Variants in UBTD2 observed in about 807,000 individuals in gnomAD.
The protein encoded by UBTD2 is ubiquitin domain-containing protein 2.
Under a neutral mutation model 19.8 loss-of-function variants are expected in UBTD2, and 9 were observed. The ratio of observed to expected loss-of-function variants is 0.46; its 90% CI spans 0.27 to 0.79. The LOEUF (loss-of-function observed/expected upper bound fraction) is 0.79. UBTD2 is among the 30% of genes least tolerant of loss of function. UBTD2 has a pLI of 0.14. For missense variants in UBTD2, 250 were observed against 300.4 expected (o/e 0.83, Z 1.24); for synonymous variants, 98 against 103.9 (o/e 0.94, Z 0.35).
chr5:172,234,222 C>T lies in UBTD2; in HGVS notation c.207G>A (p.Glu69=). 6.2e-7 allele frequency: 1 copy of T among 1,614,188 alleles called. No individual in the cohort carries two copies. Among genetic ancestry groups the T allele is most frequent in the Non-Finnish European group, 8.5e-7 (1 of 1,180,030 alleles). ...CAGCAGCCTTCAAGGCATCCCAAATCTCTTTCCGGCCTTCAAAAGCTGGTG... is the reference window on the plus strand; with the variant it reads ...CAGCAGCCTTCAAGGCATCCCAAATTTCTTTCCGGCCTTCAAAAGCTGGTG... ...DTAPAFEGRK[E]IWDALKAAAH... Residue 69 remains glutamate (E), a synonymous_variant, in exon 2 of 3, where the codon GAG becomes GAA. Coordinates refer to ENST00000393792, the MANE Select transcript of UBTD2 (RefSeq NM_152277.3).
intron 2 of UBTD2, among the ~76,000 whole-genome samples, chr5:172,231,034 C>T (rs561069381): frequency 1.2e-4 from 18 of 152,250 alleles, no homozygotes; most frequent in African/African-American, 3.6e-4. Flanking sequence ...CTGCCCGCCT[C>T]GGCCTCCCAA....
chr5:172,243,962 G>A (rs1772185096), intron 1 of UBTD2, among the ~76,000 whole-genome samples: 1 of 152,016 alleles, frequency 6.6e-6, no homozygotes, highest in East Asian at 1.9e-4. Context: ...AGGCAAATCA[G>A]AGATCAAGAG....
chr5:172,281,345 A>G (rs1240691268), intron 1 of UBTD2, among the ~76,000 whole-genome samples: 1 of 151,788 alleles, frequency 6.6e-6, no homozygotes, highest in Non-Finnish European at 1.5e-5. Flanking sequence ...AAATTTTTTA[A>G]AAATTAGCCG....
intron 1 of UBTD2, among the ~76,000 whole-genome samples, chr5:172,248,543 G>A (rs1033342975): frequency 2.6e-5 from 4 of 151,446 alleles, no homozygotes; most frequent in African/African-American, 9.7e-5. Flanking sequence ...AGCCAAGATC[G>A]CACCACTGCA....
intron 1 of UBTD2, among the ~76,000 whole-genome samples, chr5:172,263,235 C>A (rs1755308427): frequency 6.6e-6 from 1 of 152,136 alleles, no homozygotes; most frequent in Admixed American, 6.5e-5. Flanking sequence ...CTGGCCTCAA[C>A]TAGTATTTTA....
intron 1 of UBTD2, chr5:172,254,516 C>T: frequency 1.8e-6 from 1 of 569,166 alleles, no homozygotes. Context: ...ACCGAGCAAA[C>T]GTCCATGTGC....
chr5:172,281,628 G>A (rs1755718903), intron 1 of UBTD2, among the ~76,000 whole-genome samples: 2 of 137,686 alleles, frequency 1.5e-5, no homozygotes, highest in South Asian at 2.5e-4. Flanking sequence ...TACTTATTAA[G>A]CAATAATTTT....
intron 1 of UBTD2, among the ~76,000 whole-genome samples, chr5:172,247,857 C>A (rs1282502209): frequency 6.6e-6 from 1 of 152,104 alleles, no homozygotes; most frequent in Non-Finnish European, 1.5e-5. Flanking sequence ...GAACATTCTA[C>A]CCAAAAGGAG....
intron 1 of UBTD2, among the ~76,000 whole-genome samples, chr5:172,265,702 C>G (rs866675346): frequency 2.0e-5 from 3 of 152,116 alleles, no homozygotes; most frequent in Admixed American, 1.3e-4. Flanking sequence ...CACTTATTTA[C>G]TCGAGCAACA....
intron 2 of UBTD2, among the ~76,000 whole-genome samples, chr5:172,229,069 A>G (rs1256351857): frequency 6.6e-6 from 1 of 152,174 alleles, no homozygotes. Context: ...AGGTCCTCAA[A>G]AGCCAAACTG....
chr5:172,264,857 C>T (rs1755342164), intron 1 of UBTD2, among the ~76,000 whole-genome samples: 1 of 152,058 alleles, frequency 6.6e-6, no homozygotes, highest in South Asian at 2.1e-4. Flanking sequence ...GCCTGGGAGA[C>T]AGAGGGGGAC....
At chr5:172,245,705 C>T (rs1413033479) in intron 1 of UBTD2, among the ~76,000 whole-genome samples, 1 of 140,314 alleles carries the variant, frequency 7.1e-6, no homozygotes. Flanking sequence ...CAGTAAGACA[C>T]TGACTCAAAA....
At chr5:172,276,962 G>C (rs1488824734) in intron 1 of UBTD2, among the ~76,000 whole-genome samples, 4 of 148,650 alleles carry the variant, frequency 2.7e-5, no homozygotes, top group African/African-American at 9.9e-5. Context: ...CCAGCTATTC[G>C]GGAGGCTGAG....
intron 1 of UBTD2, among the ~76,000 whole-genome samples, chr5:172,237,383 C>T (rs1349447295): frequency 1.3e-5 from 2 of 152,280 alleles, no homozygotes; most frequent in Middle Eastern, 3.4e-3. Flanking sequence ...TGAGCCACTG[C>T]GACAGGCCCC....
At chr5:172,240,228 A>T (rs984766898) in intron 1 of UBTD2, among the ~76,000 whole-genome samples, 3 of 152,200 alleles carry the variant, frequency 2.0e-5, no homozygotes, top group African/African-American at 7.2e-5. Context: ...TCCTGCAGTA[A>T]AGAAGGGGTG....
At chr5:172,257,685 T>C (rs548860125) in intron 1 of UBTD2, among the ~76,000 whole-genome samples, 3 of 152,364 alleles carry the variant, frequency 2.0e-5, no homozygotes, top group African/African-American at 7.2e-5. Flanking sequence ...TGTGATAGTA[T>C]CTCATTCTGG....
rs1755754345 is a variant in UBTD2 at position 172,283,194 on chromosome 5, GC to G, written c.70+401del. On this transcript the variant is annotated intron_variant, in intron 1 of 2. Coordinates refer to ENST00000393792, the MANE Select transcript of UBTD2 (RefSeq NM_152277.3). The surrounding 1 kb of genome is among the most constrained non-coding windows in gnomAD (Gnocchi z 4.3). ...GAAGGGTGCGGAAAGATGTGGCGGGGCCCGTCGGAGGGAACGCATCAAGCTC... is the reference window on the plus strand; with the variant it reads ...GAAGGGTGCGGAAAGATGTGGCGGGGCCGTCGGAGGGAACGCATCAAGCTC... Among the ~76,000 whole-genome samples the G allele has an allele frequency of 6.6e-6, 1 of 152,184 alleles. No homozygotes were observed. Among genetic ancestry groups the G allele is most frequent in the African/African-American group, 2.4e-5 (1 of 41,452 alleles).
chr5:172,273,752 T>G (rs1223949342), intron 1 of UBTD2, among the ~76,000 whole-genome samples: 1 of 152,124 alleles, frequency 6.6e-6, no homozygotes, highest in Non-Finnish European at 1.5e-5. Context: ...ACTCTAGTGC[T>G]AAAACTTTTC....
At chr5:172,258,981 T>G (rs919842780) in intron 1 of UBTD2, among the ~76,000 whole-genome samples, 9 of 152,160 alleles carry the variant, frequency 5.9e-5, no homozygotes, top group African/African-American at 1.7e-4. Context: ...TCCAGAACTA[T>G]GCTAAATAGG....
Sources: gnomAD v4.1 joint callset for allele counts (sites outside exome capture counted in the v4.1 genomes callset) on GRCh38, gnomAD v4.1.1 for gene constraint, Gnocchi (gnomAD v3.1) non-coding constraint, MANE v1.5 for transcripts, NCBI Gene and HGNC (gene_info 2026-07-23, HGNC 2026-07-21) for gene names.